The following NTRK2 variants were observed in gnomAD, a reference collection of about 807,000 sequenced individuals.
NTRK2 encodes neurotrophic receptor tyrosine kinase 2, also known as BDNF/NT-3 growth factors receptor.
In NTRK2, 13 loss-of-function variants were observed where a neutral mutation model predicts 94.5. The ratio of observed to expected loss-of-function variants is 0.14; its 90% CI spans 0.09 to 0.22. The LOEUF (loss-of-function observed/expected upper bound fraction) is 0.22, where lower values mean the gene tolerates loss of function less well. Among genes scored for constraint, NTRK2 ranks in the 10% least tolerant of loss-of-function variants. The pLI is 1.00. For missense variants in NTRK2, 639 were observed against 1,071.2 expected, an observed-to-expected ratio of 0.60 and a Z score of 5.63; for synonymous variants, 372 against 407.4, an observed-to-expected ratio of 0.91 and a Z score of 1.05.
At chr9:84,749,009 A>T (rs1284590170) in intron 11 of NTRK2, among the ~76,000 whole-genome samples, 1 of 152,148 alleles carries the variant, frequency 6.6e-6, no homozygotes, top group African/African-American at 2.4e-5. Context: ...CAGGCGGATC[A>T]CCTGAGGTTG....
At chr9:84,864,246 CT>C (rs966235576) in intron 13 of NTRK2, among the ~76,000 whole-genome samples, 2 of 152,030 alleles carry the variant, frequency 1.3e-5, no homozygotes, top group African/African-American at 4.8e-5. Flanking sequence ...GTTCCAGGGG[CT>C]CCAGAAGGAA....
At chr9:84,963,254 G>A (rs1825167753) in intron 17 of NTRK2, among the ~76,000 whole-genome samples, 1 of 152,200 alleles carries the variant, frequency 6.6e-6, no homozygotes, top group African/African-American at 2.4e-5. Context: ...TCAAGACTAA[G>A]GGCTGAGCTC....
intron 14 of NTRK2, among the ~76,000 whole-genome samples, chr9:84,881,434 A>G (rs1451618857): frequency 6.6e-6 from 1 of 152,230 alleles, no homozygotes; most frequent in Non-Finnish European, 1.5e-5. Context: ...AAAATTGCAG[A>G]TGGAAATAAA....
chr9:84,929,638 T>C (rs1342694205), intron 14 of NTRK2, among the ~76,000 whole-genome samples: 1 of 152,030 alleles, frequency 6.6e-6, no homozygotes, highest in Non-Finnish European at 1.5e-5. Flanking sequence ...CCCTGCTCAC[T>C]GCAACCTCTG....
intron 11 of NTRK2, among the ~76,000 whole-genome samples, chr9:84,746,056 C>T (rs144647051): frequency 6.6e-6 from 1 of 152,282 alleles, no homozygotes; most frequent in East Asian, 1.9e-4. Flanking sequence ...CTTACCTCCA[C>T]TGCCACTGTC....
At chr9:84,846,989 C>T (rs1226709702) in intron 12 of NTRK2, among the ~76,000 whole-genome samples, 5 of 152,226 alleles carry the variant, frequency 3.3e-5, no homozygotes, top group African/African-American at 4.8e-5. Flanking sequence ...CAGACACAAA[C>T]AGGCAGCTGC....
chr9:84,939,664 C>T (rs1035560562), intron 15 of NTRK2, among the ~76,000 whole-genome samples: 2 of 152,142 alleles, frequency 1.3e-5, no homozygotes, highest in African/African-American at 4.8e-5. Context: ...ATATTATAAT[C>T]AGCTTTTATA....
At chr9:84,921,674 T>G (rs2077571134) in intron 14 of NTRK2, among the ~76,000 whole-genome samples, 1 of 152,150 alleles carries the variant, frequency 6.6e-6, no homozygotes. Context: ...GGAATAAAGA[T>G]ATAAGGATGA....
chr9:84,709,991 G>C (rs907503254), intron 5 of NTRK2, among the ~76,000 whole-genome samples: 1 of 151,862 alleles, frequency 6.6e-6, no homozygotes, highest in Non-Finnish European at 1.5e-5. Context: ...GTGTGTGTGT[G>C]TGTGTGTGTG....
At chr9:85,003,626 A>G (rs750114235) in intron 17 of NTRK2, among the ~76,000 whole-genome samples, 26 of 152,222 alleles carry the variant, frequency 1.7e-4, no homozygotes, top group Non-Finnish European at 1.9e-4. Flanking sequence ...ACAGTGGAAG[A>G]TGCTGATGAA....
At position 85,024,850 on chromosome 9, in the gene NTRK2, G is replaced by C. The variant is rs182747350; in HGVS notation, c.*3413G>C. 1 of 232,928 alleles carries C rather than the reference G, an allele frequency of 4.3e-6. No homozygotes were observed. The highest frequency in any genetic ancestry group is 8.5e-6 in the Non-Finnish European group (1 of 117,872). The allele number at this position is 232,928 out of a possible 1,614,324, so 14.4% of individuals were successfully genotyped here. On this transcript the variant is annotated 3_prime_UTR_variant, in exon 19 of 19. Coordinates refer to ENST00000277120, the MANE Select transcript of NTRK2 (RefSeq NM_006180.6). ...AACTATGCTATAAAAGATTATATCA[G>C]AATTCATATTATACATGTGTTCACA...
At chr9:84,714,903 T>C (rs544012151) in intron 6 of NTRK2, among the ~76,000 whole-genome samples, 4 of 152,320 alleles carry the variant, frequency 2.6e-5, no homozygotes, top group Non-Finnish European at 5.9e-5. Flanking sequence ...AAACCAACAA[T>C]TTGCCAACTA....
At chr9:84,688,430 A>G (rs1011390513) in intron 2 of NTRK2, among the ~76,000 whole-genome samples, 1 of 152,064 alleles carries the variant, frequency 6.6e-6, no homozygotes, top group Admixed American at 6.5e-5. Flanking sequence ...GATGGTTCCT[A>G]CACTTCAGTG....
chr9:84,753,283 C>T (rs1263795201), intron 12 of NTRK2, among the ~76,000 whole-genome samples: 1 of 152,048 alleles, frequency 6.6e-6, no homozygotes, highest in African/African-American at 2.4e-5. Context: ...AGAGGGACCA[C>T]CCCACAGTGA....
intron 14 of NTRK2, among the ~76,000 whole-genome samples, chr9:84,916,990 C>T (rs775515965): frequency 6.6e-6 from 1 of 152,190 alleles, no homozygotes; most frequent in Non-Finnish European, 1.5e-5. Flanking sequence ...AAGTCTGTCA[C>T]ACTCCCTTCT....
intron 14 of NTRK2, among the ~76,000 whole-genome samples, chr9:84,920,494 C>T (rs1474661103): frequency 6.6e-6 from 1 of 152,160 alleles, no homozygotes; most frequent in Non-Finnish European, 1.5e-5. Flanking sequence ...TGCTTAAGCT[C>T]TTTCCCACTC....
At chr9:84,881,836 T>C (rs2076262997) in intron 14 of NTRK2, among the ~76,000 whole-genome samples, 1 of 152,268 alleles carries the variant, frequency 6.6e-6, no homozygotes, top group Non-Finnish European at 1.5e-5. Context: ...TTGAGAATTC[T>C]CCTGTCTGGT....
chr9:84,698,384 A>AATAT (rs10568238), intron 2 of NTRK2, among the ~76,000 whole-genome samples: 1 of 150,000 alleles, frequency 6.7e-6, no homozygotes, highest in South Asian at 2.1e-4. Flanking sequence ...GATTTAATCT[A>AATAT]ATATATATAT....
intron 14 of NTRK2, among the ~76,000 whole-genome samples, chr9:84,885,819 G>T (rs569309834): frequency 1.4e-4 from 22 of 152,262 alleles, no homozygotes; most frequent in African/African-American, 5.3e-4. Flanking sequence ...TGAGGTCGAG[G>T]TCAGGAGTTC....
Sources: gnomAD v4.1 joint callset for allele counts (sites outside exome capture counted in the v4.1 genomes callset) on GRCh38, gnomAD v4.1.1 for gene constraint, MANE v1.5 for transcripts, NCBI Gene and HGNC (gene_info 2026-07-23, HGNC 2026-07-21) for gene names.